TEC: variants seen among roughly 807,000 people sequenced by gnomAD.
TEC encodes tyrosine-protein kinase Tec.
Under a neutral mutation model 93.0 loss-of-function variants are expected in TEC, and 72 were observed. That is an observed-to-expected ratio of 0.77 (90% confidence interval 0.64 to 0.94). The LOEUF is 0.94. TEC is among the 40% of genes least tolerant of loss of function. The probability of loss-of-function intolerance (pLI) is 0.00; values close to 1 mark genes in which losing one functional copy is unlikely to be tolerated. For missense variants in TEC, 630 were observed against 757.9 expected (o/e 0.83, Z 1.98); for synonymous variants, 249 against 247.7 (o/e 1.01, Z -0.05).
At chr4:48,158,708 T>C (rs182835052) in intron 8 of TEC, among the ~76,000 whole-genome samples, 9 of 152,230 alleles carry the variant, frequency 5.9e-5, no homozygotes, top group South Asian at 4.2e-4. Context: ...TGAAGCTAAA[T>C]TGTAGCTCTC....
At chr4:48,233,932 G>C (rs1159234011) in intron 1 of TEC, among the ~76,000 whole-genome samples, 1 of 151,980 alleles carries the variant, frequency 6.6e-6, no homozygotes, top group African/African-American at 2.4e-5. Context: ...AACAGAATGA[G>C]AAAACAATCA....
chr4:48,238,710 A>G (rs1190389522), intron 1 of TEC, among the ~76,000 whole-genome samples: 1 of 115,592 alleles, frequency 8.7e-6, no homozygotes, highest in African/African-American at 3.9e-5. Context: ...TTATATATTT[A>G]TATGTATTTA....
chr4:48,206,908 A>G (rs1304858548), intron 2 of TEC, among the ~76,000 whole-genome samples: 3 of 152,130 alleles, frequency 2.0e-5, no homozygotes, highest in Non-Finnish European at 2.9e-5. Context: ...GAAATGAGCC[A>G]TAATCACACC....
chr4:48,173,466 C>T (rs1397020466), intron 3 of TEC, among the ~76,000 whole-genome samples: 2 of 152,114 alleles, frequency 1.3e-5, no homozygotes, highest in African/African-American at 4.8e-5. Context: ...CAGTATCTCC[C>T]TGAGCAAACC....
intron 1 of TEC, among the ~76,000 whole-genome samples, chr4:48,240,662 T>C (rs925006474): frequency 1.3e-5 from 2 of 152,154 alleles, no homozygotes; most frequent in Non-Finnish European, 2.9e-5. Flanking sequence ...AAAGCTGAAG[T>C]TCTTTTTCAA....
intron 1 of TEC, among the ~76,000 whole-genome samples, chr4:48,264,160 A>T (rs1194908850): frequency 6.6e-6 from 1 of 152,246 alleles, no homozygotes; most frequent in East Asian, 1.9e-4. Context: ...GCAGAAGCCA[A>T]GAAATAATCT....
chr4:48,200,024 T>G (rs1344204205), intron 2 of TEC, among the ~76,000 whole-genome samples: 3 of 152,092 alleles, frequency 2.0e-5, no homozygotes, highest in Non-Finnish European at 2.9e-5. Context: ...AATAATGTAT[T>G]AAAATAAAAT....
intron 1 of TEC, among the ~76,000 whole-genome samples, chr4:48,259,592 T>C (rs1322749833): frequency 6.6e-6 from 1 of 151,896 alleles, no homozygotes; most frequent in Non-Finnish European, 1.5e-5. Context: ...GGCACATGCC[T>C]ATAGTCCCAG....
chr4:48,160,749 GAAAGAAAGAAAGAAAAGAAAA>G (rs917185001), intron 8 of TEC, among the ~76,000 whole-genome samples: 3 of 124,444 alleles, frequency 2.4e-5, no homozygotes, highest in African/African-American at 6.1e-5. Flanking sequence ...AAGAAAGAAA[GAAAGAAAGAAAGAAAAGAAAA>G]AAAGAAAGAA....
intron 1 of TEC, among the ~76,000 whole-genome samples, chr4:48,268,581 G>A (rs1724700701): frequency 6.6e-6 from 1 of 152,188 alleles, no homozygotes; most frequent in South Asian, 2.1e-4. Context: ...CCTTACTCCA[G>A]GTGATTATTG....
intron 2 of TEC, among the ~76,000 whole-genome samples, chr4:48,186,429 C>G (rs1205972159): frequency 2.6e-5 from 4 of 151,772 alleles, no homozygotes; most frequent in African/African-American, 9.7e-5. Flanking sequence ...TCTGCCTGGC[C>G]GCCCATCGTC....
chr4:48,185,781 CTCTCCCTCCCCCTCCCCCTCTCCCA>C (rs574488995), intron 2 of TEC, among the ~76,000 whole-genome samples: 71,433 of 111,362 alleles, frequency 0.64, 23,959 homozygotes, highest in African/African-American at 0.71. Flanking sequence ...AAGGCTCTCC[CTCTCCCTCCCCCTCCCCCTCTCCCA>C]TCTCCCTCCC....
chr4:48,185,272 A>C (rs796743193), intron 2 of TEC, among the ~76,000 whole-genome samples: 1 of 152,268 alleles, frequency 6.6e-6, no homozygotes, highest in South Asian at 2.1e-4. Context: ...TCATACATGT[A>C]GTCTTTTCCC....
intron 2 of TEC, among the ~76,000 whole-genome samples, chr4:48,201,589 G>A (rs1026419866): frequency 6.6e-6 from 1 of 152,178 alleles, no homozygotes. Context: ...ATTATTTATT[G>A]CACAAGCAAG....
intron 11 of TEC, 128 bp from the exon 12 acceptor site, chr4:48,146,527 C>T: frequency 6.7e-6 from 5 of 749,068 alleles, no homozygotes; most frequent in Non-Finnish European, 9.0e-6. Context: ...TGTGTACATA[C>T]AGCACTCTGC....
chr4:48,156,232 C>CTTGAAGT (rs1720394448), intron 9 of TEC, among the ~76,000 whole-genome samples: 1 of 152,022 alleles, frequency 6.6e-6, no homozygotes, highest in Non-Finnish European at 1.5e-5. Context: ...GAAGTGAAAC[C>CTTGAAGT]GCAATGATGA....
chr4:48,245,987 T>G (rs1198729922), intron 1 of TEC, among the ~76,000 whole-genome samples: 1 of 152,060 alleles, frequency 6.6e-6, no homozygotes, highest in Non-Finnish European at 1.5e-5. Context: ...CACACACCTG[T>G]AATCCCAGCT....
At chr4:48,268,194 C>A (rs546514911) in intron 1 of TEC, among the ~76,000 whole-genome samples, 2 of 152,332 alleles carry the variant, frequency 1.3e-5, no homozygotes, top group East Asian at 3.9e-4. Flanking sequence ...GTTGAAAATG[C>A]TAGAGCATAC....
At chr4:48,142,223 C>T (rs572328573) in intron 14 of TEC, among the ~76,000 whole-genome samples, 3 of 152,170 alleles carry the variant, frequency 2.0e-5, no homozygotes, top group Non-Finnish European at 4.4e-5. Context: ...GCAATCCCAA[C>T]ATTTTGGGAG....
Sources: gnomAD v4.1 joint callset for allele counts (sites outside exome capture counted in the v4.1 genomes callset) on GRCh38, gnomAD v4.1.1 for gene constraint, MANE v1.5 for transcripts, NCBI Gene and HGNC (gene_info 2026-07-23, HGNC 2026-07-21) for gene names.